The following CFAP61 variants were observed in gnomAD, a reference collection of about 807,000 sequenced individuals.
CFAP61 encodes the protein cilia and flagella associated protein 61, also known as cilia- and flagella-associated protein 61.
CFAP61 carries 107 observed loss-of-function variants against 135.6 expected under a neutral mutation model. The ratio of observed to expected loss-of-function variants is 0.79; its 90% CI spans 0.67 to 0.93. The LOEUF is 0.93. CFAP61 is among the 40% of genes least tolerant of loss of function. The pLI is 0.00. For synonymous variants in CFAP61, 575 were observed against 578.5 expected, an observed-to-expected ratio of 0.99 and a Z score of 0.09; for missense variants, 1,507 against 1,556.2, an observed-to-expected ratio of 0.97 and a Z score of 0.53.
At chr20:20,091,948 C>T (rs948580792) in intron 7 of CFAP61, among the ~76,000 whole-genome samples, 2 of 152,232 alleles carry the variant, frequency 1.3e-5, no homozygotes, top group Non-Finnish European at 2.9e-5. Context: ...TCCCAAAGTG[C>T]TGGGATTACA....
At chr20:20,097,909 A>C (rs910278869) in intron 7 of CFAP61, among the ~76,000 whole-genome samples, 3 of 152,290 alleles carry the variant, frequency 2.0e-5, no homozygotes, top group African/African-American at 7.2e-5. Context: ...CTTTCTCTGT[A>C]CTGGGGGCTG....
intron 23 of CFAP61, among the ~76,000 whole-genome samples, chr20:20,289,230 A>G (rs2054823544): frequency 6.6e-6 from 1 of 152,226 alleles, no homozygotes; most frequent in African/African-American, 2.4e-5. Context: ...ACTTGTCTGG[A>G]TGTCTCACAG....
chr20:20,308,133 G>T (rs759087058), intron 25 of CFAP61, among the ~76,000 whole-genome samples: 1 of 152,150 alleles, frequency 6.6e-6, no homozygotes, highest in South Asian at 2.1e-4. Context: ...ATCAGACAGC[G>T]GAGAATAGAG....
chr20:20,342,478 C>CT (rs2122380343), intron 26 of CFAP61, among the ~76,000 whole-genome samples: 1 of 152,322 alleles, frequency 6.6e-6, no homozygotes, highest in African/African-American at 2.4e-5. Flanking sequence ...ATTTGTGAAA[C>CT]TTTAAGTTAA....
At chr20:20,189,620 A>C (rs999575188) in intron 14 of CFAP61, among the ~76,000 whole-genome samples, 7 of 152,178 alleles carry the variant, frequency 4.6e-5, no homozygotes, top group African/African-American at 1.4e-4. Context: ...AGCAAACCAC[A>C]GTGGAATATC....
At chr20:20,118,756 C>T (rs2049377132) in intron 8 of CFAP61, among the ~76,000 whole-genome samples, 1 of 151,944 alleles carries the variant, frequency 6.6e-6, no homozygotes, top group South Asian at 2.1e-4. Flanking sequence ...AGTTTTTGTT[C>T]TTGGTTTTGT....
At chr20:20,351,618 A>G (rs2058839973) in intron 26 of CFAP61, among the ~76,000 whole-genome samples, 1 of 152,096 alleles carries the variant, frequency 6.6e-6, no homozygotes, top group Non-Finnish European at 1.5e-5. Flanking sequence ...AAACTATCTG[A>G]AAAAGAAATT....
intron 17 of CFAP61, chr20:20,226,109 T>C (rs1457944306): frequency 6.6e-6 from 1 of 152,266 alleles, no homozygotes; most frequent in African/African-American, 2.4e-5. Context: ...GGAAGTGCAG[T>C]GGGCTGTGTG....
chr20:20,119,378 C>G (rs968665114), intron 8 of CFAP61, among the ~76,000 whole-genome samples: 2 of 152,048 alleles, frequency 1.3e-5, no homozygotes, highest in African/African-American at 4.8e-5. Flanking sequence ...TCAATTTTCT[C>G]TAGGTTTTCC....
chr20:20,266,787 G>A (rs73283200), intron 21 of CFAP61, among the ~76,000 whole-genome samples: 1,916 of 152,246 alleles, frequency 0.013, 54 homozygotes, highest in African/African-American at 0.043. Flanking sequence ...TGGGTCTGCC[G>A]TTTCCCTGGG....
Position 20,101,454 on chromosome 20 carries a change from A to G in CFAP61, c.859+2640A>G, listed in dbSNP as rs552657098. On this transcript the variant is annotated intron_variant, in intron 8 of 26. Transcript: ENST00000245957. Reference sequence around the variant, plus strand: ...AAGCTCATCCAAGCTTTTAAAGCTCATCAGTGGCTGACCCAGAAGGCAGAC... The same window carrying G: ...AAGCTCATCCAAGCTTTTAAAGCTCGTCAGTGGCTGACCCAGAAGGCAGAC... 1.4e-4 allele frequency among the ~76,000 whole-genome samples: 21 copies of G among 152,308 alleles called. No individual in the cohort carries two copies. The South Asian group carries it at 3.9e-3, about 29-fold the overall frequency.
intron 13 of CFAP61, among the ~76,000 whole-genome samples, chr20:20,169,664 A>G (rs1029467267): frequency 1.3e-5 from 2 of 152,262 alleles, no homozygotes; most frequent in African/African-American, 4.8e-5. Context: ...ATATTAAAAC[A>G]TAATATAGCT....
intron 26 of CFAP61, among the ~76,000 whole-genome samples, chr20:20,358,012 G>C (rs73607410): frequency 7.2e-3 from 271 of 37,454 alleles, no homozygotes; most frequent in Middle Eastern, 0.042. Context: ...GGTGGTCACA[G>C]TGTGAGGGGA....
intron 8 of CFAP61, among the ~76,000 whole-genome samples, chr20:20,139,494 G>T (rs751096247): frequency 3.3e-5 from 5 of 152,164 alleles, no homozygotes; most frequent in Admixed American, 6.5e-5. Flanking sequence ...ATTAAATCGC[G>T]CAGCTTCAGT....
intron 19 of CFAP61, among the ~76,000 whole-genome samples, chr20:20,248,888 T>C (rs2050670296): frequency 6.6e-6 from 1 of 152,230 alleles, no homozygotes; most frequent in Admixed American, 6.5e-5. Context: ...TCCTCCATTT[T>C]TGCTTTTTGT....
At chr20:20,095,187 C>T (rs933688854) in intron 7 of CFAP61, among the ~76,000 whole-genome samples, 2 of 152,134 alleles carry the variant, frequency 1.3e-5, no homozygotes, top group South Asian at 2.1e-4. Context: ...CTAGCTACTG[C>T]GCATTCCCTC....
chr20:20,278,910 G>A (rs1055863220), intron 22 of CFAP61, among the ~76,000 whole-genome samples: 7 of 152,124 alleles, frequency 4.6e-5, no homozygotes, highest in African/African-American at 1.7e-4. Context: ...CGATGTTAGG[G>A]ATGTAACAGT....
chr20:20,323,347 A>G, intron 25 of CFAP61: 1 of 978,920 alleles, frequency 1.0e-6, no homozygotes, highest in Non-Finnish European at 1.2e-6. Context: ...CCCTACTTTC[A>G]AACACAATTT....
chr20:20,138,280 C>T (rs2051095601), intron 8 of CFAP61, among the ~76,000 whole-genome samples: 2 of 152,138 alleles, frequency 1.3e-5, no homozygotes, highest in African/African-American at 2.4e-5. Flanking sequence ...TTTACTAGCT[C>T]GCATGTCCCC....
Sources: allele counts gnomAD v4.1 joint callset (sites outside exome capture counted in the v4.1 genomes callset), GRCh38; gene constraint gnomAD v4.1.1; transcripts MANE v1.5; gene names NCBI Gene and HGNC (gene_info 2026-07-23, HGNC 2026-07-21).